The following CAST variants were observed in gnomAD, a reference collection of about 807,000 sequenced individuals.
The protein encoded by CAST is MIR583 host.
CAST carries 76 observed loss-of-function variants against 119.6 expected under a neutral mutation model. The ratio of observed to expected loss-of-function variants is 0.64; its 90% CI spans 0.53 to 0.77. The LOEUF is 0.77. CAST is among the 30% of genes least tolerant of loss of function. CAST has a pLI of 0.00. For synonymous variants in CAST, 319 were observed against 331.6 expected (o/e 0.96, Z 0.41); for missense variants, 953 against 946.5 (o/e 1.01, Z -0.09).
the CAST span, among the ~76,000 whole-genome samples, chr5:96,065,013 T>TG: frequency 2.0e-5 from 3 of 152,174 alleles, no homozygotes; most frequent in Non-Finnish European, 4.4e-5. Flanking sequence ...GGTATATTTC[T>TG]GGATTAAACA....
the CAST span, among the ~76,000 whole-genome samples, chr5:96,196,123 G>C: frequency 6.6e-6 from 1 of 150,468 alleles, no homozygotes; most frequent in Non-Finnish European, 1.5e-5. Context: ...TTGTCTGAAA[G>C]GTTTTCAACC....
chr5:96,637,049 T>C (rs1724044390), intron 1 of CAST, among the ~76,000 whole-genome samples: 1 of 152,232 alleles, frequency 6.6e-6, no homozygotes. Context: ...AGACCATTAC[T>C]GTGACTATGA....
the CAST span, among the ~76,000 whole-genome samples, chr5:96,306,648 G>A: frequency 2.6e-5 from 4 of 152,094 alleles, no homozygotes; most frequent in South Asian, 2.1e-4. Context: ...GGTACATTGT[G>A]TCTTTGTTTT....
chr5:96,768,162 C>T (rs1770731506), intron 29 of CAST, among the ~76,000 whole-genome samples, 163 bp downstream of exon 29: 1 of 152,150 alleles, frequency 6.6e-6, no homozygotes, highest in Admixed American at 6.5e-5. Context: ...CAGCTTACTG[C>T]GATCTCTGCT....
the CAST span, among the ~76,000 whole-genome samples, chr5:96,125,719 T>C: frequency 1.3e-5 from 2 of 152,144 alleles, no homozygotes; most frequent in East Asian, 3.9e-4. Context: ...CATTCTTCCT[T>C]TTCTATGAGG....
At chr5:96,332,683 G>C in the CAST span, among the ~76,000 whole-genome samples, 21 of 152,218 alleles carry the variant, frequency 1.4e-4, no homozygotes, top group African/African-American at 4.1e-4. Context: ...CTAGGTGCAA[G>C]TCAGGGGGAG....
At chr5:96,226,984 A>C in the CAST span, among the ~76,000 whole-genome samples, 1 of 152,210 alleles carries the variant, frequency 6.6e-6, no homozygotes, top group Non-Finnish European at 1.5e-5. Flanking sequence ...CACGGTTTCT[A>C]GCTAACCAAT....
the CAST span, among the ~76,000 whole-genome samples, chr5:96,228,180 G>A: frequency 1.3e-5 from 2 of 152,104 alleles, no homozygotes; most frequent in African/African-American, 4.8e-5. Context: ...CAGAGTAGGA[G>A]GATGGAAAGA....
At chr5:96,092,047 T>C in the CAST span, among the ~76,000 whole-genome samples, 1 of 152,170 alleles carries the variant, frequency 6.6e-6, no homozygotes, top group Non-Finnish European at 1.5e-5. Flanking sequence ...GATGAATGAA[T>C]GAATGAAATC....
intron 1 of CAST, among the ~76,000 whole-genome samples, chr5:96,581,852 C>T (rs1456541823): frequency 6.6e-6 from 1 of 152,014 alleles, no homozygotes; most frequent in East Asian, 1.9e-4. Context: ...GACTGCGCCA[C>T]TCCACTCCAG....
intron 24 of CAST, 36 bp from the exon 25 acceptor site, chr5:96,762,238 A>G: frequency 7.3e-7 from 1 of 1,377,822 alleles, no homozygotes; most frequent in Admixed American, 1.9e-5. Flanking sequence ...AATTTTATAT[A>G]CAACATGTTA....
At chr5:96,471,786 G>GTGTGTGTGTGTGTTTT in the CAST span, among the ~76,000 whole-genome samples, 2 of 149,416 alleles carry the variant, frequency 1.3e-5, no homozygotes. Context: ...GTGTGTGTGT[G>GTGTGTGTGTGTGTTTT]TGTGTGTGTG....
At chr5:96,108,872 C>T in the CAST span, among the ~76,000 whole-genome samples, 7 of 152,332 alleles carry the variant, frequency 4.6e-5, no homozygotes, top group Non-Finnish European at 1.0e-4. Flanking sequence ...TAGCAATCAG[C>T]GAGACTCCGT....
chr5:96,355,690 G>C, the CAST span, among the ~76,000 whole-genome samples: 1 of 151,934 alleles, frequency 6.6e-6, no homozygotes, highest in Non-Finnish European at 1.5e-5. Flanking sequence ...TCCAGCATCT[G>C]TTGTTTCCTG....
chr5:96,668,864 A>T (rs886404826), intron 1 of CAST, among the ~76,000 whole-genome samples: 1 of 152,114 alleles, frequency 6.6e-6, no homozygotes, highest in Admixed American at 6.5e-5. Flanking sequence ...CCCAGAGATT[A>T]GAAATTGCAG....
chr5:96,312,905 A>G, the CAST span, among the ~76,000 whole-genome samples: 1 of 152,088 alleles, frequency 6.6e-6, no homozygotes, highest in Non-Finnish European at 1.5e-5. Flanking sequence ...TTTCTCAAAG[A>G]TGGTACATAA....
the CAST span, among the ~76,000 whole-genome samples, chr5:96,282,455 A>G: frequency 2.6e-5 from 4 of 152,214 alleles, no homozygotes; most frequent in Admixed American, 2.6e-4. Flanking sequence ...TGAACATTGT[A>G]TTAATGGAAC....
the CAST span, among the ~76,000 whole-genome samples, chr5:96,119,836 T>A: frequency 6.6e-6 from 1 of 152,122 alleles, no homozygotes; most frequent in Non-Finnish European, 1.5e-5. Context: ...ATGGCATATC[T>A]AGAGATTTAA....
At chr5:96,742,438 T>C in intron 15 of CAST, 1 of 532,794 alleles carries the variant, frequency 1.9e-6, no homozygotes, top group Non-Finnish European at 3.4e-6. Flanking sequence ...GAGAACGCTG[T>C]TACTGTAGAA....
Sources: gnomAD v4.1 joint callset for allele counts (sites outside exome capture counted in the v4.1 genomes callset) on GRCh38, gnomAD v4.1.1 for gene constraint, MANE v1.5 for transcripts, NCBI Gene and HGNC (gene_info 2026-07-23, HGNC 2026-07-21) for gene names.